Variants in ATRNL1 observed in about 807,000 individuals in gnomAD.
The protein encoded by ATRNL1 is attractin like 1, also known as attractin-like protein 1.
A neutral mutation model predicts 182.7 loss-of-function variants in ATRNL1; 95 were observed. That is an observed-to-expected ratio of 0.52 (90% CI 0.44 to 0.62). ATRNL1 has a LOEUF of 0.62. Among genes scored for constraint, ATRNL1 ranks in the 20% least tolerant of loss-of-function variants. The pLI is 0.00. For missense variants in ATRNL1, 1,471 were observed against 1,679.5 expected, an observed-to-expected ratio of 0.88 and a Z score of 2.17; for synonymous variants, 576 against 568.3, an observed-to-expected ratio of 1.01 and a Z score of -0.19.
At chr10:115,603,057 G>A (rs1856696695) in intron 26 of ATRNL1, among the ~76,000 whole-genome samples, 1 of 152,156 alleles carries the variant, frequency 6.6e-6, no homozygotes. Context: ...CTGTCTCCAT[G>A]TAGTGGGGGT....
chr10:115,251,591 C>T (rs1564851873), intron 10 of ATRNL1, among the ~76,000 whole-genome samples: 1 of 152,098 alleles, frequency 6.6e-6, no homozygotes, highest in East Asian at 1.9e-4. Flanking sequence ...AGTGTCTCTC[C>T]CACCATCATA....
At chr10:115,716,913 T>C (rs1277499714) in intron 26 of ATRNL1, among the ~76,000 whole-genome samples, 1 of 152,164 alleles carries the variant, frequency 6.6e-6, no homozygotes, top group Non-Finnish European at 1.5e-5. Context: ...TGTGGGGGTA[T>C]TCTATGTGTG....
At chr10:115,505,914 G>A (rs1554981192) in intron 24 of ATRNL1, among the ~76,000 whole-genome samples, 2 of 151,256 alleles carry the variant, frequency 1.3e-5, no homozygotes, top group Non-Finnish European at 2.9e-5. Context: ...AAACCAGAAA[G>A]GGCTGGATTC....
chr10:115,687,354 G>A (rs1306125055), intron 26 of ATRNL1, among the ~76,000 whole-genome samples: 2 of 151,904 alleles, frequency 1.3e-5, no homozygotes, highest in Non-Finnish European at 2.9e-5. Flanking sequence ...CATATAAGTG[G>A]TGCCATGTAG....
intron 27 of ATRNL1, among the ~76,000 whole-genome samples, chr10:115,782,624 GAAGTTGAA>G (rs1167670165): frequency 6.6e-6 from 1 of 152,154 alleles, no homozygotes; most frequent in Non-Finnish European, 1.5e-5. Context: ...AAAGGGCTGA[GAAGTTGAA>G]ACTGGGAGTC....
intron 26 of ATRNL1, among the ~76,000 whole-genome samples, chr10:115,659,354 C>A (rs1555037033): frequency 6.6e-6 from 1 of 152,052 alleles, no homozygotes; most frequent in African/African-American, 2.4e-5. Flanking sequence ...AACCCCCAGG[C>A]ACAGTTAATT....
At chr10:115,556,164 A>T (rs1464427825) in intron 26 of ATRNL1, among the ~76,000 whole-genome samples, 1 of 152,076 alleles carries the variant, frequency 6.6e-6, no homozygotes, top group African/African-American at 2.4e-5. Flanking sequence ...ATTATGACAC[A>T]ATCATTATTT....
At chr10:115,897,435 C>G (rs1366783066) in intron 28 of ATRNL1, among the ~76,000 whole-genome samples, 3 of 152,158 alleles carry the variant, frequency 2.0e-5, no homozygotes, top group East Asian at 3.9e-4. Flanking sequence ...GTATTGATTT[C>G]AGCTTTTTCG....
intron 27 of ATRNL1, among the ~76,000 whole-genome samples, chr10:115,841,237 C>T (rs1397932081): frequency 6.6e-6 from 1 of 151,914 alleles, no homozygotes; most frequent in Non-Finnish European, 1.5e-5. Context: ...ACCTAAACAC[C>T]TAGGGAAAAA....
intron 26 of ATRNL1, among the ~76,000 whole-genome samples, chr10:115,611,907 T>C (rs1250419436): frequency 6.6e-6 from 1 of 152,098 alleles, no homozygotes; most frequent in Non-Finnish European, 1.5e-5. Flanking sequence ...ACAAGAGAGA[T>C]AGTCATTACA....
intron 27 of ATRNL1, among the ~76,000 whole-genome samples, chr10:115,822,272 C>G (rs894409108): frequency 6.6e-6 from 1 of 152,046 alleles, no homozygotes; most frequent in Admixed American, 6.6e-5. Context: ...TGGGACACAG[C>G]TAAAGCAGTG....
intron 20 of ATRNL1, among the ~76,000 whole-genome samples, chr10:115,414,564 A>G (rs1030970388): frequency 5.3e-5 from 8 of 151,968 alleles, no homozygotes; most frequent in African/African-American, 1.7e-4. Context: ...ACCTGAAACT[A>G]CTTCCAGTAT....
At chr10:115,868,819 A>ATTC (rs1951500390) in intron 28 of ATRNL1, among the ~76,000 whole-genome samples, 1 of 98,286 alleles carries the variant, frequency 1.0e-5, no homozygotes, top group African/African-American at 3.6e-5. Context: ...GCAAGTCTTT[A>ATTC]TTCTTTTTTT....
intron 26 of ATRNL1, among the ~76,000 whole-genome samples, chr10:115,616,457 A>T (rs1478536460): frequency 1.3e-5 from 2 of 152,160 alleles, no homozygotes; most frequent in East Asian, 3.9e-4. Flanking sequence ...AGGGGGATTC[A>T]AGTGGACTGC....
intron 26 of ATRNL1, among the ~76,000 whole-genome samples, chr10:115,624,583 G>A (rs1045137243): frequency 2.6e-5 from 4 of 152,114 alleles, no homozygotes; most frequent in African/African-American, 7.2e-5. Context: ...CCTATTGTGT[G>A]CAACTCTTCC....
At chr10:115,666,282 A>G (rs1860995427) in intron 26 of ATRNL1, among the ~76,000 whole-genome samples, 1 of 152,210 alleles carries the variant, frequency 6.6e-6, no homozygotes, top group African/African-American at 2.4e-5. Flanking sequence ...TGTTATGATT[A>G]ACTGATAAAG....
intron 24 of ATRNL1, among the ~76,000 whole-genome samples, chr10:115,485,062 G>A (rs782241128): frequency 1.3e-5 from 2 of 151,872 alleles, no homozygotes; most frequent in African/African-American, 2.4e-5. Context: ...TATTTAGTAG[G>A]TGTGCATTGA....
intron 28 of ATRNL1, among the ~76,000 whole-genome samples, chr10:115,936,640 A>G (rs1555122925): frequency 6.6e-6 from 1 of 152,200 alleles, no homozygotes; most frequent in African/African-American, 2.4e-5. Context: ...GCAGTCAGTG[A>G]CATTTTTCCA....
intron 24 of ATRNL1, among the ~76,000 whole-genome samples, chr10:115,518,964 G>A (rs879996606): frequency 6.6e-6 from 1 of 151,850 alleles, no homozygotes; most frequent in Non-Finnish European, 1.5e-5. Flanking sequence ...GGGTGTTTTG[G>A]TTAGGCATAT....
Sources: allele counts gnomAD v4.1 joint callset (sites outside exome capture counted in the v4.1 genomes callset), GRCh38; gene constraint gnomAD v4.1.1; transcripts MANE v1.5; gene names NCBI Gene and HGNC (gene_info 2026-07-23, HGNC 2026-07-21).